Variants in IPPK observed in about 807,000 individuals in gnomAD.
IPPK encodes IPK1 homolog.
A neutral mutation model predicts 64.6 loss-of-function variants in IPPK; 22 were observed. The ratio of observed to expected loss-of-function variants is 0.34; its 90% CI spans 0.24 to 0.49. IPPK has a LOEUF of 0.49. Among genes scored for constraint, IPPK ranks in the 20% least tolerant of loss-of-function variants. The pLI is 0.99. For missense variants in IPPK, 532 were observed against 630.7 expected, an observed-to-expected ratio of 0.84 and a Z score of 1.68; for synonymous variants, 262 against 247.2, an observed-to-expected ratio of 1.06 and a Z score of -0.56.
intron 2 of IPPK, among the ~76,000 whole-genome samples, chr9:92,657,399 G>C (rs1336579551): frequency 5.3e-5 from 8 of 151,864 alleles, no homozygotes; most frequent in Non-Finnish European, 8.8e-5. Flanking sequence ...TACCACTCAA[G>C]TCTCCACTGA....
rs1446422069 is a variant in IPPK at position 92,670,006 on chromosome 9, G to A, written c.-18C>T. The A allele has an allele frequency of 1.3e-6, 2 of 1,597,224 alleles. No individual in the cohort carries two copies. The highest frequency in any genetic ancestry group is 1.4e-5 in the African/African-American group (1 of 73,690). On this transcript the variant is annotated 5_prime_UTR_variant, in exon 1 of 13. Transcript: ENST00000287996. Reference sequence around the variant, plus strand: ...TCTTCCATGCCCAGGCGCAGCCCTGGCGCCTCGCGGGCTAGGACTCGGGGA... The same window carrying A: ...TCTTCCATGCCCAGGCGCAGCCCTGACGCCTCGCGGGCTAGGACTCGGGGA...
At chr9:92,648,246 A>G (rs1852189183) in intron 5 of IPPK, 98 bp from the exon 6 acceptor site, 7 of 875,090 alleles carry the variant, frequency 8.0e-6, no homozygotes, top group Non-Finnish European at 8.9e-6. Context: ...GTGCAGCAAG[A>G]TAATTAGGCA....
intron 11 of IPPK, among the ~76,000 whole-genome samples, chr9:92,628,010 T>C (rs1291149742): frequency 1.3e-5 from 2 of 152,166 alleles, no homozygotes; most frequent in African/African-American, 4.8e-5. Flanking sequence ...ACAAGATCAA[T>C]ATACAAAATC....
intron 3 of IPPK, among the ~76,000 whole-genome samples, chr9:92,654,059 C>T (rs1176900441): frequency 2.0e-5 from 3 of 152,182 alleles, no homozygotes; most frequent in Admixed American, 6.5e-5. Flanking sequence ...ACAGCAGCTA[C>T]GCAGGTCTCA....
intron 11 of IPPK, 97 bp downstream of exon 11, chr9:92,634,289 G>T: frequency 1.3e-6 from 1 of 786,040 alleles, no homozygotes. Context: ...TAAACCTCAG[G>T]GGTAGGTAAT....
In IPPK at chr9:92,647,917, C is replaced by T. The variant is rs1852180168; in HGVS notation, c.504+142G>A. The T allele has an allele frequency of 4.9e-6, 3 of 617,340 alleles. No homozygotes were observed. The South Asian group carries it at 6.3e-5, about 13-fold the overall frequency. 38.2% of individuals were successfully genotyped at this position (617,340 alleles called of 1,614,324 possible). A position where few individuals can be genotyped will look rare whatever the true frequency, so the allele number is the denominator to read the frequency against. ...AAATTTAAAAAATAAAAAAGTTGAA[C>T]ATGAATCACTTTGTGAAATAAAATG... On this transcript the variant is annotated intron_variant, in intron 6 of 12. Transcript: ENST00000287996.
rs1206271672 is a variant in IPPK, at chr9:92,635,701, CTTCTTT to C, written c.917-399_917-394del. On this transcript the variant is annotated intron_variant, in intron 9 of 12. Coordinates refer to ENST00000287996, the MANE Select transcript of IPPK (RefSeq NM_022755.6). This position sits in a 1 kb window ranked among gnomAD's most constrained non-coding sequence, Gnocchi z 4.4. ...CATTTTAAGTCAGGTCACAAAATTT[CTTCTTT>C]TTCTTTTCTTTTTTTTTTTTGAGAC... Among the ~76,000 whole-genome samples, 2 of 151,938 alleles carry C rather than the reference CTTCTTT, an allele frequency of 1.3e-5. No homozygotes were observed. Among genetic ancestry groups the C allele is most frequent in the African/African-American group, 2.4e-5 (1 of 41,368 alleles).
intron 11 of IPPK, among the ~76,000 whole-genome samples, chr9:92,623,309 C>T (rs1851676050): frequency 6.6e-6 from 1 of 152,030 alleles, no homozygotes; most frequent in Non-Finnish European, 1.5e-5. Context: ...TGGCGGGTGC[C>T]TGTAATCCCA....
At chr9:92,643,826 T>C (rs1178412386) in intron 6 of IPPK, among the ~76,000 whole-genome samples, 2 of 152,244 alleles carry the variant, frequency 1.3e-5, no homozygotes, top group Admixed American at 1.3e-4. Flanking sequence ...CTGAATTACA[T>C]GCATATTTTT....
In IPPK at chr9:92,638,023, G is replaced by A; in HGVS notation, c.894C>T (p.Phe298=). 1.3e-6 allele frequency: 2 copies of A among 1,590,930 alleles called. No homozygotes were observed. Among genetic ancestry groups the A allele is most frequent in the Non-Finnish European group, 1.7e-6 (2 of 1,168,204 alleles). ...QGPRVCEASP[F]SRSLRCQGKN... is the part of the protein sequence containing the mutation. Reference sequence around the variant, plus strand: ...TACCTTGGCAGCGAAGGCTCCTACTGAAAGGGCTGGCTTCGCAGACTCGCG... The same window carrying A: ...TACCTTGGCAGCGAAGGCTCCTACTAAAAGGGCTGGCTTCGCAGACTCGCG... The change falls in exon 9 of 13, where the codon TTC becomes TTT. Residue 298 remains phenylalanine (F), a synonymous_variant. Coordinates refer to ENST00000287996, the MANE Select transcript of IPPK (RefSeq NM_022755.6).
At chr9:92,652,944 C>T (rs1433399342) in intron 3 of IPPK, among the ~76,000 whole-genome samples, 1 of 152,198 alleles carries the variant, frequency 6.6e-6, no homozygotes, top group Non-Finnish European at 1.5e-5. Context: ...CAGCTTCTCT[C>T]GCCACAAAGC....
At chr9:92,622,491 A>G (rs1357359769) in intron 11 of IPPK, among the ~76,000 whole-genome samples, 1 of 152,164 alleles carries the variant, frequency 6.6e-6, no homozygotes, top group East Asian at 1.9e-4. Context: ...CTGCATAATC[A>G]AACACTTTTA....
intron 6 of IPPK, among the ~76,000 whole-genome samples, chr9:92,644,263 G>A (rs562948702): frequency 2.3e-3 from 348 of 152,276 alleles, no homozygotes; most frequent in African/African-American, 8.0e-3. Context: ...ATTTATTCAA[G>A]AAAAACAGCT....
chr9:92,668,510 T>C (rs1331946651), intron 1 of IPPK, among the ~76,000 whole-genome samples: 2 of 147,448 alleles, frequency 1.4e-5, no homozygotes, highest in African/African-American at 2.5e-5. Flanking sequence ...TGAAATTTAA[T>C]GTATCAGCCC....
At chr9:92,620,190 T>C (rs190326542) in intron 11 of IPPK, 5 of 155,908 alleles carry the variant, frequency 3.2e-5, no homozygotes, top group African/African-American at 1.2e-4. Context: ...TGCTTGTCAA[T>C]GGCAAGGCAG....
chr9:92,666,944 C>T (rs1852611668), intron 1 of IPPK, among the ~76,000 whole-genome samples: 2 of 152,178 alleles, frequency 1.3e-5, no homozygotes. Flanking sequence ...TGTTTGCATA[C>T]TGCAGGAAGA....
At chr9:92,640,530 A>G (rs961921167) in intron 8 of IPPK, among the ~76,000 whole-genome samples, 180 bp downstream of exon 8, 1 of 152,118 alleles carries the variant, frequency 6.6e-6, no homozygotes, top group Non-Finnish European at 1.5e-5. Context: ...AGGTCAGGGA[A>G]AGACAGGTCT....
chr9:92,625,692 G>A (rs937019556), intron 11 of IPPK, among the ~76,000 whole-genome samples: 5 of 152,202 alleles, frequency 3.3e-5, no homozygotes, highest in Non-Finnish European at 7.3e-5. Flanking sequence ...GGAAGGCTGA[G>A]CTGTCCTACA....
At chr9:92,620,774 A>T (rs72754499) in intron 11 of IPPK, among the ~76,000 whole-genome samples, 6,012 of 152,256 alleles carry the variant, frequency 0.039, 184 homozygotes, top group South Asian at 0.1. Context: ...TTCACAGCAG[A>T]TGGAAATGAG....
Sources: gnomAD v4.1 joint callset for allele counts (sites outside exome capture counted in the v4.1 genomes callset) on GRCh38, gnomAD v4.1.1 for gene constraint, Gnocchi (gnomAD v3.1) non-coding constraint, MANE v1.5 for transcripts, NCBI Gene and HGNC (gene_info 2026-07-23, HGNC 2026-07-21) for gene names.